The following RTTN variants were observed in gnomAD, a reference collection of about 807,000 sequenced individuals.
RTTN encodes rotatin.
Under a neutral mutation model 269.2 loss-of-function variants are expected in RTTN, and 182 were observed. That is an observed-to-expected ratio of 0.68 (90% CI 0.60 to 0.76). RTTN has a LOEUF of 0.76. Ranked by LOEUF, RTTN falls within the 30% of genes least tolerant of loss-of-function variation. The pLI, the probability that RTTN is intolerant of heterozygous loss-of-function variation, is 0.00. For synonymous variants in RTTN, 1,006 were observed against 963.5 expected (o/e 1.04, Z -0.82); for missense variants, 2,545 against 2,608.6 (o/e 0.98, Z 0.53).
In RTTN at chr18:70,161,891, A is replaced by G. The variant is rs139269357; in HGVS notation, c.1929+4171T>C. Among the ~76,000 whole-genome samples the G allele has an allele frequency of 9.6e-3, 1,457 of 152,290 alleles. 22 individuals carry two copies. The highest frequency in any genetic ancestry group is 0.033 in the African/African-American group (1,388 of 41,574). On this transcript the variant is annotated intron_variant, in intron 14 of 48. Transcript: ENST00000640769. Reference sequence around the variant, plus strand: ...AGAGAAAAGGGAACACAGTACTATAAGCCCTATACACTGCTTGTGGGAATT... The same window carrying G: ...AGAGAAAAGGGAACACAGTACTATAGGCCCTATACACTGCTTGTGGGAATT...
At chr18:70,169,617 TATA>T (rs1389699946) in intron 11 of RTTN, among the ~76,000 whole-genome samples, 2 of 152,274 alleles carry the variant, frequency 1.3e-5, no homozygotes, top group East Asian at 3.9e-4. Flanking sequence ...GGAAATCCAA[TATA>T]ATATTTTAAA....
intron 36 of RTTN, 78 bp downstream of exon 36, chr18:70,059,772 T>A (rs2057923334): frequency 2.1e-6 from 2 of 969,774 alleles, no homozygotes; most frequent in East Asian, 5.0e-5. Flanking sequence ...TCACAAGAAA[T>A]CTTGTATCAA....
chr18:70,060,466 A>C (rs60029808), intron 35 of RTTN, among the ~76,000 whole-genome samples: 7,368 of 152,136 alleles, frequency 0.048, 257 homozygotes, highest in African/African-American at 0.097. Context: ...ATTATTTTTA[A>C]ATTTTTAATT....
chr18:70,057,651 A>G, intron 37 of RTTN, 91 bp downstream of exon 37: 2 of 893,264 alleles, frequency 2.2e-6, no homozygotes, highest in South Asian at 3.0e-5. Context: ...AGAGGTTTTC[A>G]TCCTTTTCCT....
At chr18:70,049,873 C>T (rs945340969) in intron 39 of RTTN, among the ~76,000 whole-genome samples, 2 of 152,058 alleles carry the variant, frequency 1.3e-5, no homozygotes, top group Non-Finnish European at 2.9e-5. Context: ...TAAGAAAATT[C>T]TGATGTGATG....
At chr18:70,026,454 A>T (rs1334041632) in intron 43 of RTTN, among the ~76,000 whole-genome samples, 2 of 151,310 alleles carry the variant, frequency 1.3e-5, no homozygotes, top group Non-Finnish European at 2.9e-5. Flanking sequence ...CAGCTCTCTC[A>T]CTCTTGCTCC....
Position 70,155,435 on chromosome 18 carries a change from AAT to A in RTTN, c.1930-4704_1930-4703del, listed in dbSNP as rs577321559. ...ATAATCTAAACAAGATTATAAAATA[AAT>A]ATGTTTAAAATTCACAACAACACAA... On this transcript the variant is annotated intron_variant, in intron 14 of 48. Transcript: ENST00000640769. Among the ~76,000 whole-genome samples the A allele has an allele frequency of 1.2e-3, 180 of 152,358 alleles. 1 individual carries two copies. Among genetic ancestry groups the A allele is most frequent in the African/African-American group, 4.1e-3 (172 of 41,584 alleles).
chr18:70,096,607 C>A (rs1485262354), intron 28 of RTTN, among the ~76,000 whole-genome samples: 2 of 152,188 alleles, frequency 1.3e-5, no homozygotes, highest in Non-Finnish European at 2.9e-5. Flanking sequence ...ACCCTGTTTG[C>A]CTGGGTATCA....
intron 32 of RTTN, among the ~76,000 whole-genome samples, chr18:70,076,988 C>T (rs957536942): frequency 1.2e-4 from 18 of 151,850 alleles, no homozygotes; most frequent in African/African-American, 3.1e-4. Context: ...GTACAAAACA[C>T]GCCAAACACC....
intron 18 of RTTN, among the ~76,000 whole-genome samples, chr18:70,145,341 T>G (rs946819641): frequency 6.6e-6 from 1 of 152,182 alleles, no homozygotes; most frequent in Non-Finnish European, 1.5e-5. Context: ...TATAATGCAC[T>G]TGAATCATCC....
intron 44 of RTTN, 143 bp from the exon 45 acceptor site, chr18:70,020,960 T>C: frequency 1.6e-6 from 1 of 637,284 alleles, no homozygotes; most frequent in Non-Finnish European, 2.7e-6. Flanking sequence ...AGGCTAATGT[T>C]GGTGTCTACA....
chr18:70,195,026 A>T (rs1169015705), intron 7 of RTTN, among the ~76,000 whole-genome samples: 2 of 152,228 alleles, frequency 1.3e-5, no homozygotes, highest in Non-Finnish European at 2.9e-5. Context: ...GGGGGAAAAA[A>T]AACTCTCCAA....
Position 70,092,140 on chromosome 18 carries a change from C to A in RTTN, c.4113G>T (p.Leu1371Phe). 6.2e-7 allele frequency: 1 copy of A among 1,613,110 alleles called. No individual in the cohort carries two copies. The highest frequency in any genetic ancestry group is 1.1e-5 in the South Asian group (1 of 91,026). ...HIPTQQGLAW[L>F]IPLWVDRDPE... is the part of the protein sequence containing the mutation. Reference sequence around the variant, plus strand: ...GGTCCCGATCAACCCATAATGGAATCAACCAAGCCAATCCTTGTTGAGTAG... The same window carrying A: ...GGTCCCGATCAACCCATAATGGAATAAACCAAGCCAATCCTTGTTGAGTAG... Residue 1371 changes from leucine (L) to phenylalanine (F), a missense_variant, in exon 30 of 49, where the codon TTG becomes TTT. Transcript: ENST00000640769.
At chr18:70,205,083 C>A in intron 2 of RTTN, 45 bp downstream of exon 2, 1 of 1,553,368 alleles carries the variant, frequency 6.4e-7, no homozygotes, top group Non-Finnish European at 8.8e-7. Flanking sequence ...GACTAAGAAA[C>A]AAGTCACTCG....
At chr18:70,022,998 C>A (rs757677215) in intron 44 of RTTN, among the ~76,000 whole-genome samples, 3 of 152,112 alleles carry the variant, frequency 2.0e-5, no homozygotes, top group African/African-American at 7.2e-5. Flanking sequence ...CAAGATGGTC[C>A]CAGTGGCGCC....
chr18:70,131,586 A>G (rs541717917), intron 23 of RTTN: 1 of 151,942 alleles, frequency 6.6e-6, no homozygotes, highest in Non-Finnish European at 1.5e-5. Context: ...CATGCCTGTA[A>G]TCCCAACACT....
intron 37 of RTTN, among the ~76,000 whole-genome samples, chr18:70,054,570 C>T (rs1485133018): frequency 1.3e-5 from 2 of 152,166 alleles, no homozygotes; most frequent in Non-Finnish European, 2.9e-5. Context: ...GTAGCTAACA[C>T]ACCTGTAATG....
Position 70,017,615 on chromosome 18 carries a change from T to C in RTTN, c.6213A>G (p.Leu2071=). The change falls in exon 46 of 49, where the codon CTA becomes CTG. Residue 2071 remains leucine, a synonymous_variant. Transcript: ENST00000640769. ...LALPKGGNKH[L]SNLTILWLKL... ...TCAACCAAAGAATAGTCAGATTACTTAGATGTTTATTTCCTCCTTTTGGCA... is the reference window on the plus strand; with the variant it reads ...TCAACCAAAGAATAGTCAGATTACTCAGATGTTTATTTCCTCCTTTTGGCA... The C allele has an allele frequency of 6.2e-7, 1 of 1,613,790 alleles. No homozygotes were observed.
chr18:70,109,008 CA>C (rs1384345451), intron 28 of RTTN, among the ~76,000 whole-genome samples: 1 of 151,998 alleles, frequency 6.6e-6, no homozygotes, highest in African/African-American at 2.4e-5. Flanking sequence ...GATAAAATTT[CA>C]AAAAAGATGC....
Sources: gnomAD v4.1 joint callset for allele counts (sites outside exome capture counted in the v4.1 genomes callset) on GRCh38, gnomAD v4.1.1 for gene constraint, MANE v1.5 for transcripts, NCBI Gene and HGNC (gene_info 2026-07-23, HGNC 2026-07-21) for gene names.